Variants in MLLT6 observed in about 807,000 individuals in gnomAD.
The protein encoded by MLLT6 is protein AF-17.
MLLT6 carries 22 observed loss-of-function variants against 103.0 expected under a neutral mutation model. That is an observed-to-expected ratio of 0.21 (90% CI 0.15 to 0.31). The LOEUF is 0.31. Among genes scored for constraint, MLLT6 ranks in the 10% least tolerant of loss-of-function variants. MLLT6 has a pLI of 1.00. For synonymous variants in MLLT6, 606 were observed against 623.5 expected, an observed-to-expected ratio of 0.97 and a Z score of 0.42; for missense variants, 1,199 against 1,441.7, an observed-to-expected ratio of 0.83 and a Z score of 2.73.
intron 8 of MLLT6, chr17:38,713,076 G>T (rs1036528867): frequency 5.2e-6 from 4 of 765,356 alleles, no homozygotes; most frequent in South Asian, 2.7e-5. Flanking sequence ...TGCAGAGAGT[G>T]GGGGACGGCA....
At chr17:38,713,095 T>C in intron 8 of MLLT6, 1 of 745,612 alleles carries the variant, frequency 1.3e-6, no homozygotes, top group Non-Finnish European at 2.5e-6. Flanking sequence ...CACTCAGGCC[T>C]GCTCTCCAAG....
At chr17:38,706,051 T>C (rs988792205) in intron 1 of MLLT6, 13 of 162,992 alleles carry the variant, frequency 8.0e-5, no homozygotes, top group African/African-American at 3.1e-4. Context: ...GGGGAATGTT[T>C]ACCTGCGAGG....
Position 38,725,609 on chromosome 17 carries a change from A to T in MLLT6, c.*11A>T, listed in dbSNP as rs1170530855. ...CAGGAAAAAGGCTAAATCCACCCTT[A>T]CCCCTCCTGACCCCCCCAAGTGGAG... is the stretch of plus-strand genomic sequence containing the variant. On this transcript the variant is annotated 3_prime_UTR_variant, in exon 20 of 20. Coordinates refer to ENST00000621332, the MANE Select transcript of MLLT6 (RefSeq NM_005937.4). 1 of 1,570,118 alleles carries T rather than the reference A, an allele frequency of 6.4e-7. No individual in the cohort carries two copies. Among genetic ancestry groups the T allele is most frequent in the South Asian group, 1.1e-5 (1 of 87,046 alleles).
At position 38,716,109 on chromosome 17, in the gene MLLT6, T is replaced by G; in HGVS notation, c.1037-258T>G. 1 of 596,686 alleles carries G rather than the reference T, an allele frequency of 1.7e-6. No homozygotes were observed. Among genetic ancestry groups the G allele is most frequent in the South Asian group, 2.2e-5 (1 of 46,458 alleles). 37.0% of individuals were successfully genotyped at this position (596,686 alleles called of 1,614,324 possible). A position where few individuals can be genotyped will look rare whatever the true frequency, so the allele number is the denominator to read the frequency against. On this transcript the variant is annotated intron_variant, in intron 9 of 19. Transcript: ENST00000621332. The surrounding 1 kb of genome is among the most constrained non-coding windows in gnomAD (Gnocchi z 5.6). ...GGTACAATTTTTCAAGAACCCCCAT[T>G]AACATTTTCTCCTATAATCGCTACA...
At position 38,728,157 on chromosome 17, in the gene MLLT6, C is replaced by T. The variant is rs906395660; in HGVS notation, c.*2559C>T. On this transcript the variant is annotated 3_prime_UTR_variant, in exon 20 of 20. Transcript: ENST00000621332. ...AGACGGGGCCCAGGCTGGGTATGAA[C>T]GGGTGCAGCCCTCTTCTCCTCTTCC... The T allele has an allele frequency of 5.1e-5, 12 of 233,150 alleles. No homozygotes were observed. Among genetic ancestry groups the T allele is most frequent in the Non-Finnish European group, 9.3e-5 (11 of 118,090 alleles). 14.4% of individuals were successfully genotyped at this position (233,150 alleles called of 1,614,324 possible). A position where few individuals can be genotyped will look rare whatever the true frequency, so the allele number is the denominator to read the frequency against.
rs1598005701 is a variant in MLLT6 at position 38,727,139 on chromosome 17, T to G, written c.*1541T>G. The G allele has an allele frequency of 1.7e-5, 4 of 233,204 alleles. No individual in the cohort carries two copies. The East Asian group carries it at 1.8e-4, about 11-fold the overall frequency. The allele number at this position is 233,204 out of a possible 1,614,324, so 14.4% of individuals were successfully genotyped here. The stretch of plus-strand genomic sequence containing the variant: ...TTTGGGTTTTTGTTGTTGGGTTTTT[T>G]TTTTTTTTTTAATAAAGAAAAGAAG... On this transcript the variant is annotated 3_prime_UTR_variant, in exon 20 of 20. Coordinates refer to ENST00000621332, the MANE Select transcript of MLLT6 (RefSeq NM_005937.4).
Position 38,724,774 on chromosome 17 carries a change from T to G in MLLT6, c.3038T>G (p.Leu1013Arg). ...PLLSAGTPGL[L>R]PTASAPPLLP... is the part of the protein sequence containing the mutation. ...CTGTCTGCGGGTACCCCTGGCCTGC[T>G]GCCCACAGCGTCTGCTCCACCCCTG... The change falls in exon 19 of 20, where the codon CTG becomes CGG. Residue 1013 changes from leucine to arginine, a missense_variant. Coordinates refer to ENST00000621332, the MANE Select transcript of MLLT6 (RefSeq NM_005937.4). This position sits in a 1 kb window ranked among gnomAD's most constrained non-coding sequence, Gnocchi z 5.4. 6.2e-7 allele frequency: 1 copy of G among 1,607,982 alleles called. No homozygotes were observed. Among genetic ancestry groups the G allele is most frequent in the South Asian group, 1.1e-5 (1 of 90,032 alleles).
Position 38,717,625 on chromosome 17 carries a change from C to A in MLLT6, c.1833+12C>A. ...TCTCCACCACTCAGGTGAGACCTGA[C>A]TCCTGGGCTCCTCCTTCCCTGGGCA... On this transcript the variant is annotated intron_variant, in intron 11 of 19. Coordinates refer to ENST00000621332, the MANE Select transcript of MLLT6 (RefSeq NM_005937.4). The A allele has an allele frequency of 6.2e-7, 1 of 1,610,880 alleles. No individual in the cohort carries two copies. Among genetic ancestry groups the A allele is most frequent in the Non-Finnish European group, 8.5e-7 (1 of 1,178,180 alleles).
At chr17:38,719,921 A>T (rs756981280) in intron 14 of MLLT6, 26 bp downstream of exon 14, 6 of 1,549,412 alleles carry the variant, frequency 3.9e-6, no homozygotes, top group Admixed American at 3.9e-5. Context: ...GCCGGTCGGG[A>T]CGCCTGCCCT....
rs556749037 is a variant in MLLT6 at position 38,718,067 on chromosome 17, C to T, written c.1942+114C>T. On this transcript the variant is annotated intron_variant, in intron 12 of 19. Transcript: ENST00000621332. Reference sequence around the variant, plus strand: ...TTTCTGGCTGCCCCCTCCCTCTGGCCATTGCCCTCCCTGCAAAAACAAACA... The same window carrying T: ...TTTCTGGCTGCCCCCTCCCTCTGGCTATTGCCCTCCCTGCAAAAACAAACA... 1.1e-5 allele frequency: 8 copies of T among 728,546 alleles called. No homozygotes were observed. In the South Asian group the frequency reaches 1.4e-4, roughly 13 times the overall value. The allele number at this position is 728,546 out of a possible 1,614,324, so 45.1% of individuals were successfully genotyped here. A position where few individuals can be genotyped will look rare whatever the true frequency, so the allele number is the denominator to read the frequency against.
chr17:38,720,292 C>T, intron 14 of MLLT6, 80 bp from the exon 15 acceptor site: 2 of 1,272,122 alleles, frequency 1.6e-6, no homozygotes, highest in East Asian at 2.5e-5. Context: ...GCACTGGCTC[C>T]CCTCCAGGCC....
intron 8 of MLLT6, among the ~76,000 whole-genome samples, chr17:38,715,159 T>A (rs1427532841): frequency 6.6e-6 from 1 of 152,094 alleles, no homozygotes; most frequent in Non-Finnish European, 1.5e-5. Context: ...GGCCGAAGTT[T>A]GGGGTAGTAG....
At chr17:38,705,793 G>C in intron 1 of MLLT6, 52 bp downstream of exon 1, 2 of 844,116 alleles carry the variant, frequency 2.4e-6, no homozygotes, top group Non-Finnish European at 3.1e-6. Flanking sequence ...GGCGTGCGCG[G>C]GGCGCCCCCG....
chr17:38,715,152 C>T (rs146605907), intron 8 of MLLT6, among the ~76,000 whole-genome samples: 19 of 152,190 alleles, frequency 1.2e-4, no homozygotes, highest in Admixed American at 3.3e-4. Context: ...GCCAGGGGGC[C>T]GAAGTTTGGG....
chr17:38,715,324 G>A (rs1905287812), intron 8 of MLLT6: 1 of 410,138 alleles, frequency 2.4e-6, no homozygotes, highest in Non-Finnish European at 4.3e-6. Flanking sequence ...CTCTGGGACT[G>A]TTTTCATCTC....
intron 6 of MLLT6, among the ~76,000 whole-genome samples, chr17:38,710,692 A>C (rs1310797583): frequency 6.6e-6 from 1 of 152,064 alleles, no homozygotes; most frequent in Non-Finnish European, 1.5e-5. Context: ...AACAAGGGGT[A>C]CAGCTGGCTT....
chr17:38,709,180 A>C lies in MLLT6; in HGVS notation c.362A>C (p.Tyr121Ser), dbSNP rs1348596903. 1 of 1,610,922 alleles carries C rather than the reference A, an allele frequency of 6.2e-7. No homozygotes were observed. Among genetic ancestry groups the C allele is most frequent in the African/African-American group, 1.3e-5 (1 of 74,734 alleles). ...TTGCGCTGTGTCCTGCAGACCTGTTACATCTGCGAGGAGCAGGGCCGGGAG... is the reference window on the plus strand; with the variant it reads ...TTGCGCTGTGTCCTGCAGACCTGTTCCATCTGCGAGGAGCAGGGCCGGGAG... ...VPHDRFNKTC[Y>S]ICEEQGRESK... Residue 121 changes from tyrosine (Y) to serine (S), a missense_variant, in exon 5 of 20, where the codon TAC becomes TCC. By Grantham distance (144) the Tyr-to-Ser change is moderately radical. This residue lies in a region of MLLT6 where 59 missense variants were observed against 135.1 expected (regional missense o/e 0.44). Coordinates refer to ENST00000621332, the MANE Select transcript of MLLT6 (RefSeq NM_005937.4). This position sits in a 1 kb window ranked among gnomAD's most constrained non-coding sequence, Gnocchi z 4.3.
chr17:38,713,177 T>C, intron 8 of MLLT6: 1 of 622,028 alleles, frequency 1.6e-6, no homozygotes, highest in South Asian at 2.0e-5. Context: ...ACCCAAAGCT[T>C]GTCACCCAAC....
chr17:38,717,513 G>A lies in MLLT6; in HGVS notation c.1733G>A (p.Ser578Asn), dbSNP rs1465473750. The A allele has an allele frequency of 6.2e-7, 1 of 1,613,148 alleles. No individual in the cohort carries two copies. Among genetic ancestry groups the A allele is most frequent in the Non-Finnish European group, 8.5e-7 (1 of 1,179,918 alleles). ...GTCTGCAGCACCCCTCTCTCCTCCA[G>A]CCTCCTGGGGCCCCCAGGGACCTCG... ...RAVCSTPLSS[S>N]LLGPPGTSAL... The change falls in exon 11 of 20, where the codon AGC (serine) becomes AAC (asparagine). Residue 578 changes from serine to asparagine, a missense_variant. Coordinates refer to ENST00000621332, the MANE Select transcript of MLLT6 (RefSeq NM_005937.4).
Sources: allele counts gnomAD v4.1 joint callset (sites outside exome capture counted in the v4.1 genomes callset), GRCh38; gene constraint gnomAD v4.1.1; regional missense constraint gnomAD v4.1.1; non-coding constraint Gnocchi (gnomAD v3.1); transcripts MANE v1.5; gene names NCBI Gene and HGNC (gene_info 2026-07-23, HGNC 2026-07-21).